Variants in TENM3 observed in about 807,000 individuals in gnomAD.
The protein encoded by TENM3 is teneurin-3.
A neutral mutation model predicts 255.1 loss-of-function variants in TENM3; 63 were observed. The observed-to-expected ratio is 0.25, with a 90% CI of 0.20 to 0.30. TENM3 has a LOEUF of 0.30. Ranked by LOEUF, TENM3 falls within the 10% of genes least tolerant of loss-of-function variation. TENM3 has a pLI of 1.00. For missense variants in TENM3, 2,929 were observed against 3,461.1 expected, an observed-to-expected ratio of 0.85 and a Z score of 3.86; for synonymous variants, 1,306 against 1,322.3, an observed-to-expected ratio of 0.99 and a Z score of 0.27.
chr4:181,473,457 C>T, the TENM3 span, among the ~76,000 whole-genome samples: 56 of 151,906 alleles, frequency 3.7e-4, no homozygotes, highest in African/African-American at 1.1e-3. Context: ...CTGGGGGTGG[C>T]GACACGCACC....
chr4:181,454,832 T>C, the TENM3 span, among the ~76,000 whole-genome samples: 1 of 151,964 alleles, frequency 6.6e-6, no homozygotes, highest in African/African-American at 2.4e-5. Context: ...CCTAGGTGTG[T>C]AGTCAGTTCT....
the TENM3 span, among the ~76,000 whole-genome samples, chr4:181,723,757 A>T: frequency 2.4e-4 from 36 of 152,136 alleles, no homozygotes; most frequent in African/African-American, 7.2e-4. Flanking sequence ...AACTAAGTGG[A>T]TTCTGGAAAT....
chr4:182,369,686 G>A (rs1413549987), intron 3 of TENM3, among the ~76,000 whole-genome samples: 3 of 152,178 alleles, frequency 2.0e-5, no homozygotes, highest in African/African-American at 7.2e-5. Flanking sequence ...CTCGAGACCA[G>A]CTTGGTCAAC....
Position 182,692,150 on chromosome 4 carries a change from G to A in TENM3, c.2221+3799G>A, listed in dbSNP as rs1188663730. On this transcript the variant is annotated intron_variant, in intron 12 of 27. Coordinates refer to ENST00000511685, the MANE Select transcript of TENM3 (RefSeq NM_001080477.4). The stretch of plus-strand genomic sequence containing the variant: ...GTTCTGTCATCTGAGAGTTGAGGTA[G>A]GTCAGAGAAATTGGGCTTCTTCTTG... 2.6e-5 allele frequency among the ~76,000 whole-genome samples: 4 copies of A among 152,322 alleles called. No homozygotes were observed. In the East Asian group the frequency reaches 7.7e-4, roughly 29 times the overall value.
At chr4:182,143,080 CT>C (rs1032767580), upstream of TENM3, 4 of 166,894 alleles carry the variant, frequency 2.4e-5, no homozygotes, top group African/African-American at 7.2e-5. The surrounding 1 kb of genome is among the most constrained non-coding windows in gnomAD (Gnocchi z 4.3). Flanking sequence ...GAGCAGCAAA[CT>C]TTTTTTTTCC....
At chr4:181,904,421 C>T in the TENM3 span, among the ~76,000 whole-genome samples, 6 of 152,154 alleles carry the variant, frequency 3.9e-5, no homozygotes, top group Non-Finnish European at 7.3e-5. Flanking sequence ...TCATTATCCA[C>T]TGTATGCCTG....
the TENM3 span, among the ~76,000 whole-genome samples, chr4:181,864,419 C>A: frequency 6.6e-6 from 1 of 151,592 alleles, no homozygotes; most frequent in Middle Eastern, 3.2e-3. Flanking sequence ...ACTTGAATAA[C>A]CCAGGAGACA....
chr4:182,332,148 A>G (rs1046499991), intron 2 of TENM3, among the ~76,000 whole-genome samples: 2 of 152,176 alleles, frequency 1.3e-5, no homozygotes, highest in African/African-American at 4.8e-5. Flanking sequence ...ACATTTTATC[A>G]TAAAATGTAG....
intron 2 of TENM3, among the ~76,000 whole-genome samples, chr4:182,333,315 A>G (rs1361596217): frequency 6.6e-6 from 1 of 152,238 alleles, no homozygotes; most frequent in Non-Finnish European, 1.5e-5. Flanking sequence ...GTGTGTAAAA[A>G]TTCAAAACAA....
the TENM3 span, among the ~76,000 whole-genome samples, chr4:181,519,489 T>G: frequency 6.6e-6 from 1 of 152,158 alleles, no homozygotes; most frequent in East Asian, 1.9e-4. Flanking sequence ...AATGTTTTAT[T>G]CCCCATTACT....
chr4:182,497,847 C>CATAT (rs56170155), intron 3 of TENM3, among the ~76,000 whole-genome samples: 1,721 of 135,180 alleles, frequency 0.013, 41 homozygotes, highest in African/African-American at 0.042. Flanking sequence ...ACTAAAAATA[C>CATAT]ATATATATAT....
chr4:182,603,784 T>TATATATATATATATATATATATATACAC lies in TENM3; in HGVS notation c.749+2624_749+2625insTATATATATATATATATATATATACACA, dbSNP rs58332965. On this transcript the variant is annotated intron_variant, in intron 4 of 27. Coordinates refer to ENST00000511685, the MANE Select transcript of TENM3 (RefSeq NM_001080477.4). ...AATTATTTATATATATATATATATA[T>TATATATATATATATATATATATATACAC]ACACACACACACCGATTTTGCTAAT... 1.4e-3 allele frequency among the ~76,000 whole-genome samples: 189 copies of TATATATATATATATATATATATATACAC among 133,976 alleles called. 3 individuals carry two copies. Among genetic ancestry groups the TATATATATATATATATATATATATACAC allele is most frequent in the East Asian group, 0.013 (54 of 4,230 alleles). The allele number at this position is 133,976 out of a possible 152,430, so 87.9% of individuals were successfully genotyped here. A position where few individuals can be genotyped will look rare whatever the true frequency, so the allele number is the denominator to read the frequency against.
rs116646917 is a variant in TENM3, at chr4:182,711,047, G to A, written c.2222-3040G>A. The stretch of plus-strand genomic sequence containing the variant: ...TGGGCTATATATGCGATAAATCATT[G>A]TCTATCTGGCTTGCAGTCAAGAGAT... On this transcript the variant is annotated intron_variant, in intron 12 of 27. Coordinates refer to ENST00000511685, the MANE Select transcript of TENM3 (RefSeq NM_001080477.4). Among the ~76,000 whole-genome samples, 862 of 152,272 alleles carry A rather than the reference G, an allele frequency of 5.7e-3. 7 individuals carry two copies. The highest frequency in any genetic ancestry group is 0.019 in the African/African-American group (810 of 41,566).
intron 3 of TENM3, among the ~76,000 whole-genome samples, chr4:182,459,166 G>T (rs903891323): frequency 6.6e-6 from 1 of 152,086 alleles, no homozygotes; most frequent in East Asian, 1.9e-4. Context: ...AAAAAAATTA[G>T]ATCTATTCCC....
intron 3 of TENM3, among the ~76,000 whole-genome samples, chr4:182,558,435 C>G (rs796621758): frequency 6.6e-6 from 1 of 152,108 alleles, no homozygotes; most frequent in South Asian, 2.1e-4. Context: ...TCTTCATGTT[C>G]CTCACCCGTT....
chr4:182,502,418 TTC>T (rs1385545680), intron 3 of TENM3, among the ~76,000 whole-genome samples: 2 of 152,184 alleles, frequency 1.3e-5, no homozygotes. Context: ...TTTTGCAGTT[TTC>T]TCTTTCTGGA....
chr4:181,653,394 T>TTTTGTTTG, the TENM3 span, among the ~76,000 whole-genome samples: 10,879 of 151,408 alleles, frequency 0.072, 515 homozygotes, highest in South Asian at 0.12. Flanking sequence ...CATTGTTTTG[T>TTTTGTTTG]TTTGTTTGTT....
At chr4:181,804,486 AG>A in the TENM3 span, among the ~76,000 whole-genome samples, 1 of 152,238 alleles carries the variant, frequency 6.6e-6, no homozygotes, top group African/African-American at 2.4e-5. Flanking sequence ...AGATCATTAA[AG>A]TTAAGGTATA....
intron 1 of TENM3, among the ~76,000 whole-genome samples, chr4:182,298,233 G>C (rs547838677): frequency 1.3e-5 from 2 of 152,268 alleles, no homozygotes; most frequent in South Asian, 2.1e-4. Context: ...GCGTATCTCT[G>C]TTCCCCACCC....
Sources: allele counts gnomAD v4.1 joint callset (sites outside exome capture counted in the v4.1 genomes callset), GRCh38; gene constraint gnomAD v4.1.1; non-coding constraint Gnocchi (gnomAD v3.1); transcripts MANE v1.5; gene names NCBI Gene and HGNC (gene_info 2026-07-23, HGNC 2026-07-21).